Variants in MATCAP2 observed in about 807,000 individuals in gnomAD.
MATCAP2 encodes the protein putative tyrosine carboxypeptidase MATCAP2.
chr7:36,357,687 T>C, the MATCAP2 span: 2 of 925,086 alleles, frequency 2.2e-6, no homozygotes, highest in Non-Finnish European at 3.2e-6. Context: ...TTCTATAAAC[T>C]TCGTAATTTT....
the MATCAP2 span, among the ~76,000 whole-genome samples, chr7:36,362,581 T>C: frequency 1.3e-5 from 2 of 152,238 alleles, no homozygotes; most frequent in African/African-American, 2.4e-5. Flanking sequence ...TCCCTTGGGA[T>C]GGACAAAACT....
the MATCAP2 span, among the ~76,000 whole-genome samples, chr7:36,327,292 C>G: frequency 6.6e-6 from 1 of 152,144 alleles, no homozygotes; most frequent in Non-Finnish European, 1.5e-5. Context: ...GCGCCCGCCA[C>G]CACACCTGGC....
the MATCAP2 span, among the ~76,000 whole-genome samples, chr7:36,374,237 C>A: frequency 6.6e-6 from 1 of 150,906 alleles, no homozygotes; most frequent in Non-Finnish European, 1.5e-5. Flanking sequence ...AGCCACCATG[C>A]AAGGCTAACT....
At chr7:36,390,211 G>A in the MATCAP2 span, 1 of 1,093,328 alleles carries the variant, frequency 9.1e-7, no homozygotes, top group Non-Finnish European at 1.3e-6. Context: ...TGCTGTGGTT[G>A]GTGGGTTCCT....
At chr7:36,345,118 CTT>C in the MATCAP2 span, among the ~76,000 whole-genome samples, 1 of 152,164 alleles carries the variant, frequency 6.6e-6, no homozygotes, top group South Asian at 2.1e-4. Context: ...GGAATCTACT[CTT>C]GAGTTCCACA....
chr7:36,381,931 G>T, the MATCAP2 span, among the ~76,000 whole-genome samples: 1 of 152,096 alleles, frequency 6.6e-6, no homozygotes, highest in Non-Finnish European at 1.5e-5. Flanking sequence ...GTGTTTAGAA[G>T]ATCACTAAAT....
At chr7:36,376,301 C>T in the MATCAP2 span, among the ~76,000 whole-genome samples, 1 of 152,198 alleles carries the variant, frequency 6.6e-6, no homozygotes, top group Non-Finnish European at 1.5e-5. Flanking sequence ...TCTTTGTTCT[C>T]ACTGGTTTCA....
the MATCAP2 span, chr7:36,356,366 T>C: frequency 6.3e-6 from 1 of 157,766 alleles, no homozygotes; most frequent in African/African-American, 2.4e-5. Flanking sequence ...ATTACAAAAA[T>C]TAGCTGGGTA....
chr7:36,371,044 G>A, the MATCAP2 span, among the ~76,000 whole-genome samples: 3 of 152,164 alleles, frequency 2.0e-5, no homozygotes, highest in Non-Finnish European at 4.4e-5. Flanking sequence ...TGTTTTGATA[G>A]AAATATTGTT....
the MATCAP2 span, chr7:36,325,697 G>A: frequency 1.3e-5 from 2 of 152,124 alleles, no homozygotes; most frequent in Non-Finnish European, 2.9e-5. Context: ...AAAATACAAA[G>A]CTAGGCTAGC....
chr7:36,326,992 G>T, the MATCAP2 span: 1 of 1,342,050 alleles, frequency 7.5e-7, no homozygotes, highest in South Asian at 1.4e-5. Flanking sequence ...TTCTTCCCTG[G>T]GCCTTAAATG....
At chr7:36,349,122 T>C in the MATCAP2 span, among the ~76,000 whole-genome samples, 1 of 152,262 alleles carries the variant, frequency 6.6e-6, no homozygotes, top group African/African-American at 2.4e-5. Context: ...TTGCAGGCCA[T>C]GACAAAGATT....
At chr7:36,326,943 A>G in the MATCAP2 span, 15 of 1,597,616 alleles carry the variant, frequency 9.4e-6, no homozygotes, top group Non-Finnish European at 1.3e-5. Context: ...GATGAGTTAA[A>G]TTAAAAATGT....
chr7:36,389,817 T>C, the MATCAP2 span: 1 of 929,046 alleles, frequency 1.1e-6, no homozygotes, highest in Non-Finnish European at 1.6e-6. Context: ...GCGCGCATGC[T>C]CGCGGCTCGG....
chr7:36,335,227 T>C, the MATCAP2 span: 3 of 1,563,236 alleles, frequency 1.9e-6, no homozygotes, highest in South Asian at 3.4e-5. Context: ...AACATAAAGG[T>C]AAGGGGAGAA....
At chr7:36,380,843 C>T in the MATCAP2 span, among the ~76,000 whole-genome samples, 1 of 152,218 alleles carries the variant, frequency 6.6e-6, no homozygotes, top group African/African-American at 2.4e-5. Context: ...GAGTCTCCTG[C>T]CTTAGCCTCC....
chr7:36,338,406 TC>T, the MATCAP2 span, among the ~76,000 whole-genome samples: 1 of 152,132 alleles, frequency 6.6e-6, no homozygotes, highest in Non-Finnish European at 1.5e-5. Flanking sequence ...CAAGGGATCC[TC>T]CCATCTCAGT....
chr7:36,343,704 A>G, the MATCAP2 span, among the ~76,000 whole-genome samples: 1 of 151,404 alleles, frequency 6.6e-6, no homozygotes, highest in Admixed American at 6.6e-5. Context: ...GGAAGGAAGA[A>G]AGAAAAGGAA....
At chr7:36,330,703 CA>C in the MATCAP2 span, among the ~76,000 whole-genome samples, 1 of 152,044 alleles carries the variant, frequency 6.6e-6, no homozygotes, top group African/African-American at 2.4e-5. Context: ...CAGCTTACTT[CA>C]AAATGCTTTT....
Sources: gnomAD v4.1 joint callset for allele counts (sites outside exome capture counted in the v4.1 genomes callset) on GRCh38, gnomAD v4.1.1 for gene constraint, MANE v1.5 for transcripts, NCBI Gene and HGNC (gene_info 2026-07-23, HGNC 2026-07-21) for gene names.